The following RGS3 variants were observed in gnomAD, a reference collection of about 807,000 sequenced individuals.
RGS3 encodes regulator of G protein signaling 3.
RGS3 carries 80 observed loss-of-function variants against 132.6 expected under a neutral mutation model. That is an observed-to-expected ratio of 0.60 (90% confidence interval 0.50 to 0.73). The LOEUF (loss-of-function observed/expected upper bound fraction) is 0.73. Ranked by LOEUF, RGS3 falls within the 30% of genes least tolerant of loss-of-function variation. RGS3 has a pLI of 0.00. For missense variants in RGS3, 1,382 were observed against 1,530.8 expected (o/e 0.90, Z 1.62); for synonymous variants, 598 against 620.6 (o/e 0.96, Z 0.54).
intron 16 of RGS3, chr9:113,522,683 T>G: frequency 2.0e-6 from 1 of 506,746 alleles, no homozygotes; most frequent in East Asian, 3.5e-5. Context: ...TTTCCCCTTC[T>G]GTTTGCTTTT....
At chr9:113,546,719 C>T (rs1162545299) in intron 19 of RGS3, among the ~76,000 whole-genome samples, 1 of 152,178 alleles carries the variant, frequency 6.6e-6, no homozygotes, top group Non-Finnish European at 1.5e-5. Flanking sequence ...AGGTTCACTT[C>T]AGGGTCATGG....
At chr9:113,570,063 G>A (rs1249783391) in intron 19 of RGS3, 1 of 152,198 alleles carries the variant, frequency 6.6e-6, no homozygotes, top group African/African-American at 2.4e-5. Context: ...TTGAGGGAAG[G>A]ATCTCTCCTA....
At chr9:113,508,208 C>G (rs1291366184) in intron 13 of RGS3, among the ~76,000 whole-genome samples, 1 of 152,168 alleles carries the variant, frequency 6.6e-6, no homozygotes, top group South Asian at 2.1e-4. Context: ...CCAAACTTGC[C>G]TAATGGGGGC....
intron 20 of RGS3, among the ~76,000 whole-genome samples, chr9:113,585,864 A>C (rs1029910805): frequency 6.6e-6 from 1 of 152,232 alleles, no homozygotes; most frequent in Non-Finnish European, 1.5e-5. Flanking sequence ...GCTGAAAGCT[A>C]GTCATTCTGA....
chr9:113,460,586 T>G (rs1829450733), intron 1 of RGS3, among the ~76,000 whole-genome samples: 1 of 152,212 alleles, frequency 6.6e-6, no homozygotes, highest in African/African-American at 2.4e-5. Context: ...TTGAAATGAA[T>G]TTTTAGTTAA....
chr9:113,561,392 CTCTT>C (rs1448561463), intron 19 of RGS3, among the ~76,000 whole-genome samples: 3 of 147,808 alleles, frequency 2.0e-5, no homozygotes, highest in Non-Finnish European at 4.5e-5. Flanking sequence ...TCTTCTCCCC[CTCTT>C]TCTGTCTCTC....
intron 7 of RGS3, 92 bp from the exon 6 acceptor site, chr9:113,495,694 T>G: frequency 1.0e-6 from 1 of 985,918 alleles, no homozygotes; most frequent in Non-Finnish European, 1.6e-6. Context: ...TAAACCACAG[T>G]GCATCAGGCA....
chr9:113,585,579 T>C (rs1370902696), intron 20 of RGS3, among the ~76,000 whole-genome samples: 2 of 152,226 alleles, frequency 1.3e-5, no homozygotes, highest in East Asian at 3.8e-4. Flanking sequence ...CAGGGAAAGC[T>C]TCTGGAGGAA....
intron 1 of RGS3, among the ~76,000 whole-genome samples, chr9:113,453,076 T>C (rs1829290770): frequency 7.4e-6 from 1 of 135,664 alleles, no homozygotes; most frequent in Non-Finnish European, 1.5e-5. Context: ...TATATATATT[T>C]ATATAATATA....
chr9:113,542,771 C>G (rs1832956317), intron 19 of RGS3, among the ~76,000 whole-genome samples: 1 of 152,194 alleles, frequency 6.6e-6, no homozygotes. Context: ...TCACTGCTGC[C>G]CAGGCCTTAG....
intron 17 of RGS3, among the ~76,000 whole-genome samples, chr9:113,523,693 G>A (rs925580405): frequency 1.3e-5 from 2 of 152,178 alleles, no homozygotes; most frequent in Non-Finnish European, 2.9e-5. Context: ...GTATCTGTCA[G>A]TGGTTTGGTT....
chr9:113,460,346 C>T (rs1364991761), intron 1 of RGS3: 4 of 287,356 alleles, frequency 1.4e-5, no homozygotes, highest in South Asian at 2.9e-5. Flanking sequence ...GGTAAAACCC[C>T]GTCTCTACTA....
At chr9:113,534,622 T>C (rs1832606504) in intron 18 of RGS3, among the ~76,000 whole-genome samples, 1 of 151,484 alleles carries the variant, frequency 6.6e-6, no homozygotes, top group Non-Finnish European at 1.5e-5. Flanking sequence ...TTTTTTTTTT[T>C]TTTTTTTTGA....
At chr9:113,472,298 C>T (rs552892143) in intron 3 of RGS3, among the ~76,000 whole-genome samples, 6 of 152,314 alleles carry the variant, frequency 3.9e-5, no homozygotes, top group African/African-American at 1.4e-4. Context: ...CACATGCTCA[C>T]ACAAACATGT....
intron 19 of RGS3, among the ~76,000 whole-genome samples, chr9:113,547,584 A>G (rs560962396): frequency 6.2e-4 from 94 of 152,350 alleles, no homozygotes; most frequent in Non-Finnish European, 1.1e-3. Flanking sequence ...GTTTTCCATT[A>G]AAAGCAATGT....
At position 113,514,567 on chromosome 9, in the gene RGS3, G is replaced by A. The variant is rs34316750; in HGVS notation, c.1587G>A (p.Pro529=). The change falls in exon 15 of 25, where the codon CCG becomes CCA. Residue 529 remains proline, a synonymous_variant. Transcript: ENST00000350696. The stretch of plus-strand genomic sequence containing the variant: ...GCCACGGGAACTACCAAAACTGCCC[G>A]GTTGTGAGGCCGCATGCCACGCACT... The A allele has an allele frequency of 2.0e-3, 3,168 of 1,614,170 alleles. 26 individuals are homozygous for A. In the African/African-American group the frequency reaches 0.021, roughly 11 times the overall value.
intron 19 of RGS3, among the ~76,000 whole-genome samples, chr9:113,547,189 G>A (rs898044814): frequency 1.3e-5 from 2 of 152,200 alleles, no homozygotes; most frequent in African/African-American, 4.8e-5. Flanking sequence ...TGGGCAGACT[G>A]CAAAGCCTCG....
chr9:113,464,921 C>A (rs568505717), intron 3 of RGS3, among the ~76,000 whole-genome samples: 1 of 152,000 alleles, frequency 6.6e-6, no homozygotes, highest in Non-Finnish European at 1.5e-5. Flanking sequence ...TGCTTTTTTT[C>A]CTTAGGGGTA....
intron 19 of RGS3, chr9:113,583,240 A>G: frequency 2.4e-6 from 2 of 822,834 alleles, no homozygotes; most frequent in South Asian, 3.8e-5. Context: ...TGTGTTTTTG[A>G]TGGAGCAGAA....
Sources: allele counts gnomAD v4.1 joint callset (sites outside exome capture counted in the v4.1 genomes callset), GRCh38; gene constraint gnomAD v4.1.1; transcripts MANE v1.5; gene names NCBI Gene and HGNC (gene_info 2026-07-23, HGNC 2026-07-21).